Variants in AFDN observed in about 807,000 individuals in gnomAD.
AFDN encodes the protein afadin.
In AFDN, 68 loss-of-function variants were observed where a neutral mutation model predicts 216.6. That is an observed-to-expected ratio of 0.31 (90% CI 0.26 to 0.38). The LOEUF (loss-of-function observed/expected upper bound fraction) is 0.38, where lower values mean the gene tolerates loss of function less well. AFDN is among the 10% of genes least tolerant of loss of function. The pLI is 1.00. For missense variants in AFDN, 2,136 were observed against 2,342.0 expected, an observed-to-expected ratio of 0.91 and a Z score of 1.82; for synonymous variants, 868 against 853.7, an observed-to-expected ratio of 1.02 and a Z score of -0.29.
Position 167,915,247 on chromosome 6 carries a change from C to A in AFDN, c.2379C>A (p.Leu793=), listed in dbSNP as rs2128470385. ...CRVNAALTIQ[L]FSQLFHFINM... ...TCAATGCCGCCCTGACCATCCAGCT[C>A]TTCTCTCAGCTCTTCCACTTCATCA... The change falls in exon 19 of 34, where the codon CTC becomes CTA. Residue 793 remains leucine (L), a synonymous_variant. Coordinates refer to ENST00000683244, the MANE Select transcript of AFDN (RefSeq NM_001386888.1). The A allele has an allele frequency of 6.2e-7, 1 of 1,614,260 alleles. No homozygotes were observed. The highest frequency in any genetic ancestry group is 2.2e-5 in the East Asian group (1 of 44,886).
At chr6:167,844,124 G>A (rs536138519) in intron 1 of AFDN, among the ~76,000 whole-genome samples, 2 of 151,874 alleles carry the variant, frequency 1.3e-5, no homozygotes, top group South Asian at 4.2e-4. Flanking sequence ...GCCACTGTAA[G>A]GAATTTTTAC....
intron 2 of AFDN, 80 bp from the exon 3 acceptor site, chr6:167,870,306 G>C (rs1029400470): frequency 6.3e-5 from 49 of 780,778 alleles, no homozygotes; most frequent in Non-Finnish European, 1.0e-4. Context: ...AAAATTAAAT[G>C]TATATCAGAA....
At chr6:167,858,943 A>G (rs1369979270) in intron 1 of AFDN, among the ~76,000 whole-genome samples, 1 of 152,160 alleles carries the variant, frequency 6.6e-6, no homozygotes, top group Non-Finnish European at 1.5e-5. Flanking sequence ...TAGTGCTAAT[A>G]GAAAACTGGG....
At chr6:167,963,599 A>G (rs1295107052) in intron 31 of AFDN, 2 of 1,058,180 alleles carry the variant, frequency 1.9e-6, no homozygotes, top group African/African-American at 3.3e-5. Context: ...AATGGAGTAG[A>G]GTGAATAATG....
intron 2 of AFDN, among the ~76,000 whole-genome samples, chr6:167,865,136 G>T (rs1376454763): frequency 6.6e-6 from 1 of 151,890 alleles, no homozygotes; most frequent in Non-Finnish European, 1.5e-5. Context: ...TATTATATAG[G>T]TATGAGTCAT....
At chr6:167,893,742 G>A (rs968405992) in intron 8 of AFDN, 120 bp from the exon 9 acceptor site, 6 of 750,566 alleles carry the variant, frequency 8.0e-6, no homozygotes, top group African/African-American at 1.7e-5. Flanking sequence ...TTTGAAACGT[G>A]TCTCACTGAA....
intron 1 of AFDN, among the ~76,000 whole-genome samples, chr6:167,846,891 G>T (rs567772085): frequency 6.6e-6 from 1 of 151,722 alleles, no homozygotes; most frequent in Non-Finnish European, 1.5e-5. Context: ...CTGAATCTGC[G>T]TTAAGACATT....
chr6:167,898,366 G>A lies in AFDN; in HGVS notation c.1479G>A (p.Ala493=), dbSNP rs780954787. 2.0e-5 allele frequency: 33 copies of A among 1,614,138 alleles called. No homozygotes were observed. The highest frequency in any genetic ancestry group is 1.6e-4 in the Middle Eastern group (1 of 6,062). The part of the protein sequence containing the change: ...LQSGMKVQFG[A]SHVFKFVDPS... ...GTGGCATGAAAGTGCAGTTTGGGGCGTCCCATGTATTTAAGTTTGTGGACC... is the reference window on the plus strand; with the variant it reads ...GTGGCATGAAAGTGCAGTTTGGGGCATCCCATGTATTTAAGTTTGTGGACC... The change falls in exon 11 of 34, where the codon GCG becomes GCA. Residue 493 remains alanine (A), a synonymous_variant. Transcript: ENST00000683244.
At chr6:167,953,559 C>G (rs1451211188) in intron 30 of AFDN, among the ~76,000 whole-genome samples, 1 of 152,214 alleles carries the variant, frequency 6.6e-6, no homozygotes, top group African/African-American at 2.4e-5. Context: ...TAGTATTCCT[C>G]AAGTCATTAG....
At chr6:167,921,077 G>T (rs942216418) in intron 21 of AFDN, among the ~76,000 whole-genome samples, 21 of 152,248 alleles carry the variant, frequency 1.4e-4, no homozygotes, top group African/African-American at 4.8e-4. Context: ...TGGGCCTGCT[G>T]TATGTTCAGT....
intron 30 of AFDN, among the ~76,000 whole-genome samples, chr6:167,957,598 T>C (rs1476844866): frequency 6.6e-6 from 1 of 152,200 alleles, no homozygotes. Flanking sequence ...GCCCATTGTG[T>C]CGTTAGGGCT....
At chr6:167,945,482 C>T (rs1162459647) in intron 26 of AFDN, among the ~76,000 whole-genome samples, 1 of 152,086 alleles carries the variant, frequency 6.6e-6, no homozygotes, top group African/African-American at 2.4e-5. Flanking sequence ...AACAAGCAAC[C>T]CAGTCGCATA....
In AFDN at chr6:167,884,414, A is replaced by T. The variant is rs374794090; in HGVS notation, c.897+3897A>T. ...CACTATCTATGGCAGCTATAGCCTC[A>T]TTAAATGTGTTTCTTAAATAATAAG... On this transcript the variant is annotated intron_variant, in intron 6 of 33. Transcript: ENST00000683244. Among the ~76,000 whole-genome samples the T allele has an allele frequency of 1.3e-4, 20 of 152,276 alleles. No individual in the cohort carries two copies. The South Asian group carries it at 3.9e-3, about 30-fold the overall frequency.
chr6:167,893,852 T>C lies in AFDN; in HGVS notation c.1178-10T>C, dbSNP rs1019988013. On this transcript the variant is annotated splice_polypyrimidine_tract_variant and intron_variant, in intron 8 of 33. Transcript: ENST00000683244. ...CTTCACCTGGGTCCTGGCATGTGTC[T>C]TAACCCCAGGGAGAAGGAATCACTT... is the stretch of plus-strand genomic sequence containing the variant. 3 of 1,582,176 alleles carry C rather than the reference T, an allele frequency of 1.9e-6. No homozygotes were observed. The highest frequency in any genetic ancestry group is 2.6e-6 in the Non-Finnish European group (3 of 1,161,916).
In AFDN at chr6:167,943,132, G is replaced by T; in HGVS notation, c.3103G>T (p.Ala1035Ser). Reference sequence around the variant, plus strand: ...TTTCGCCTTGTTTTTGCAATAGGGTGCTGGTCAAGATAAACTAGGAATCTA... The same window carrying T: ...TTTCGCCTTGTTTTTGCAATAGGGTTCTGGTCAAGATAAACTAGGAATCTA... ...MGLSIVAAKG[A>S]GQDKLGIYVK... The change falls in exon 24 of 34, where the codon GCT becomes TCT. Residue 1035 changes from alanine (A) to serine (S), a missense_variant. Ala to Ser is a moderately conservative substitution (Grantham distance 99). Transcript: ENST00000683244. The T allele has an allele frequency of 5.6e-6, 9 of 1,613,634 alleles. No individual in the cohort carries two copies. Among genetic ancestry groups the T allele is most frequent in the Non-Finnish European group, 7.6e-6 (9 of 1,179,718 alleles).
intron 1 of AFDN, among the ~76,000 whole-genome samples, chr6:167,848,006 G>T (rs1357232442): frequency 1.3e-5 from 2 of 151,990 alleles, no homozygotes; most frequent in Non-Finnish European, 1.5e-5. Flanking sequence ...TGGGATCTTA[G>T]TACTTGTTCC....
intron 30 of AFDN, among the ~76,000 whole-genome samples, chr6:167,955,165 A>G (rs916852411): frequency 6.6e-6 from 1 of 152,166 alleles, no homozygotes; most frequent in African/African-American, 2.4e-5. Flanking sequence ...ACTCTGATAT[A>G]TTTATATAAA....
intron 1 of AFDN, among the ~76,000 whole-genome samples, chr6:167,847,111 A>G (rs533838447): frequency 6.6e-6 from 1 of 152,312 alleles, no homozygotes. Context: ...CCTCAAAGTC[A>G]TTAAAGACTT....
intron 33 of AFDN, among the ~76,000 whole-genome samples, chr6:167,969,507 G>GT (rs142935244): frequency 2.5e-4 from 38 of 152,264 alleles, no homozygotes; most frequent in Non-Finnish European, 5.3e-4. Context: ...CACTTAACTG[G>GT]TAAGAGTCAC....
Sources: allele counts gnomAD v4.1 joint callset (sites outside exome capture counted in the v4.1 genomes callset), GRCh38; gene constraint gnomAD v4.1.1; transcripts MANE v1.5; gene names NCBI Gene and HGNC (gene_info 2026-07-23, HGNC 2026-07-21).